UVRAG: variants seen among roughly 807,000 people sequenced by gnomAD.
UVRAG encodes the protein UV radiation resistance-associated gene protein.
A neutral mutation model predicts 78.0 loss-of-function variants in UVRAG; 19 were observed. The observed-to-expected ratio is 0.24, with a 90% confidence interval of 0.17 to 0.36. The LOEUF is 0.36. Among genes scored for constraint, UVRAG ranks in the 10% least tolerant of loss-of-function variants. The pLI is 1.00. For missense variants in UVRAG, 740 were observed against 853.8 expected, an observed-to-expected ratio of 0.87 and a Z score of 1.66; for synonymous variants, 323 against 324.6, an observed-to-expected ratio of 1.00 and a Z score of 0.05.
At chr11:75,840,559 T>C (rs1263190719) in intron 1 of UVRAG, among the ~76,000 whole-genome samples, 1 of 152,222 alleles carries the variant, frequency 6.6e-6, no homozygotes, top group Non-Finnish European at 1.5e-5. Context: ...TGTTTTATAA[T>C]TTAGTGCTTA....
chr11:75,949,662 T>A (rs191784958), intron 6 of UVRAG, among the ~76,000 whole-genome samples: 1 of 150,532 alleles, frequency 6.6e-6, no homozygotes, highest in African/African-American at 2.4e-5. Flanking sequence ...TTCTTTTTCT[T>A]TGGCAGTGTA....
intron 14 of UVRAG, among the ~76,000 whole-genome samples, chr11:76,133,769 G>C (rs1041526923): frequency 6.6e-6 from 1 of 151,834 alleles, no homozygotes; most frequent in Non-Finnish European, 1.5e-5. Flanking sequence ...CTAAGCAGTA[G>C]GTAGATCATG....
In UVRAG at chr11:75,901,604, G is replaced by A. The variant is rs12280572; in HGVS notation, c.508-10350G>A. Reference sequence around the variant, plus strand: ...CTACTTTCTCAAGTCAGAACATAGAGTTGTCCTGAGTCCCTTCTTCTGTGT... The same window carrying A: ...CTACTTTCTCAAGTCAGAACATAGAATTGTCCTGAGTCCCTTCTTCTGTGT... On this transcript the variant is annotated intron_variant, in intron 5 of 14. Transcript: ENST00000356136. 6.2e-3 allele frequency among the ~76,000 whole-genome samples: 948 copies of A among 152,234 alleles called. 9 individuals carry two copies. Among genetic ancestry groups the A allele is most frequent in the African/African-American group, 0.022 (906 of 41,512 alleles).
chr11:75,907,675 A>G lies in UVRAG; in HGVS notation c.508-4279A>G, dbSNP rs573020428. The stretch of plus-strand genomic sequence containing the variant: ...ACTGCAGGCATGCATCACCATGCCC[A>G]GCCAATTTCTTTATTAAAACAATTT... On this transcript the variant is annotated intron_variant, in intron 5 of 14. Coordinates refer to ENST00000356136, the MANE Select transcript of UVRAG (RefSeq NM_003369.4). Among the ~76,000 whole-genome samples, 56 of 151,706 alleles carry G rather than the reference A, an allele frequency of 3.7e-4. 1 individual carries two copies. Among genetic ancestry groups the G allele is most frequent in the African/African-American group, 1.3e-3 (55 of 41,250 alleles).
chr11:75,995,502 A>G (rs201493546), intron 8 of UVRAG, among the ~76,000 whole-genome samples: 3 of 61,866 alleles, frequency 4.8e-5, no homozygotes, highest in Non-Finnish European at 9.7e-5. Context: ...TGTCATTTTG[A>G]AAAAAAAAAA....
At position 75,999,601 on chromosome 11, in the gene UVRAG, G is replaced by A. The variant is rs532557520; in HGVS notation, c.827-4404G>A. On this transcript the variant is annotated intron_variant, in intron 8 of 14. Transcript: ENST00000356136. Reference sequence around the variant, plus strand: ...TCACTATGTTGGTCAGGCTGGTCTCGAACTCCTGACCTTGTGATCTGCCCG... The same window carrying A: ...TCACTATGTTGGTCAGGCTGGTCTCAAACTCCTGACCTTGTGATCTGCCCG... Among the ~76,000 whole-genome samples the A allele has an allele frequency of 2.8e-4, 43 of 151,988 alleles. No individual in the cohort carries two copies. The South Asian group carries it at 6.9e-3, about 24-fold the overall frequency.
chr11:76,067,102 A>G (rs1951204269), intron 13 of UVRAG, among the ~76,000 whole-genome samples: 1 of 151,890 alleles, frequency 6.6e-6, no homozygotes, highest in Non-Finnish European at 1.5e-5. Flanking sequence ...GATTTTTTTA[A>G]TTTGTTTTTT....
intron 4 of UVRAG, among the ~76,000 whole-genome samples, chr11:75,880,384 G>A (rs1166266565): frequency 6.6e-6 from 1 of 152,154 alleles, no homozygotes; most frequent in African/African-American, 2.4e-5. Context: ...TGAAAATTAA[G>A]TTGAAATAAG....
At chr11:76,113,254 C>T (rs1952113340) in intron 13 of UVRAG, among the ~76,000 whole-genome samples, 1 of 152,040 alleles carries the variant, frequency 6.6e-6, no homozygotes, top group African/African-American at 2.4e-5. Flanking sequence ...AGGAAGGGAA[C>T]TATGTGTGGG....
chr11:75,928,593 TGCCTCAGAAAAAAAAAAA>T (rs767080486), intron 6 of UVRAG, among the ~76,000 whole-genome samples: 4 of 151,214 alleles, frequency 2.6e-5, no homozygotes, highest in Non-Finnish European at 2.9e-5. Context: ...AGTGAGACCC[TGCCTCAGAAAAAAAAAAA>T]GGTTGCTGAT....
intron 6 of UVRAG, among the ~76,000 whole-genome samples, chr11:75,936,830 A>G (rs1948382641): frequency 6.6e-6 from 1 of 152,166 alleles, no homozygotes; most frequent in South Asian, 2.1e-4. Context: ...GCTGGCGTGC[A>G]ATGGCCTGAT....
At chr11:76,053,542 C>T (rs1950915044) in intron 12 of UVRAG, among the ~76,000 whole-genome samples, 2 of 152,174 alleles carry the variant, frequency 1.3e-5, no homozygotes, top group Admixed American at 1.3e-4. Context: ...CTCTCTACTT[C>T]TGGAACCCTA....
At chr11:75,818,268 C>T (rs933344771) in intron 1 of UVRAG, among the ~76,000 whole-genome samples, 1 of 151,186 alleles carries the variant, frequency 6.6e-6, no homozygotes, top group Non-Finnish European at 1.5e-5. Flanking sequence ...TTTTTTGTGT[C>T]TGGTTTCTTT....
intron 6 of UVRAG, among the ~76,000 whole-genome samples, chr11:75,913,321 C>T (rs776109553): frequency 1.3e-5 from 2 of 152,116 alleles, no homozygotes; most frequent in Non-Finnish European, 2.9e-5. Flanking sequence ...AGTGCAGTAT[C>T]ATAGATGCTG....
intron 6 of UVRAG, among the ~76,000 whole-genome samples, chr11:75,918,392 AAAAG>A (rs1392447281): frequency 6.6e-6 from 1 of 151,918 alleles, no homozygotes; most frequent in Non-Finnish European, 1.5e-5. Flanking sequence ...AAAAAAAAAA[AAAAG>A]ATACATGAAT....
chr11:75,897,103 A>G (rs1418502759), intron 5 of UVRAG, among the ~76,000 whole-genome samples: 1 of 152,244 alleles, frequency 6.6e-6, no homozygotes, highest in Non-Finnish European at 1.5e-5. Flanking sequence ...ATCTTTGTGG[A>G]TGAAAGAAAC....
Position 76,126,541 on chromosome 11 carries a change from G to A in UVRAG, c.1397+10526G>A, listed in dbSNP as rs1253232124. Among the ~76,000 whole-genome samples the A allele has an allele frequency of 4.6e-5, 7 of 152,166 alleles. No homozygotes were observed. In the South Asian group the frequency reaches 1.2e-3, roughly 27 times the overall value. ...TTACAGCTTTTTTGTATAACGTAAT[G>A]TCTTAAGTATTTTATCAGTGCCCTT... is the stretch of plus-strand genomic sequence containing the variant. On this transcript the variant is annotated intron_variant, in intron 14 of 14. Transcript: ENST00000356136.
At chr11:76,085,153 T>G (rs555835599) in intron 13 of UVRAG, among the ~76,000 whole-genome samples, 154 of 152,178 alleles carry the variant, frequency 1.0e-3, no homozygotes, top group African/African-American at 3.2e-3. Context: ...TCAACAGATA[T>G]TTCTTCATTT....
intron 14 of UVRAG, among the ~76,000 whole-genome samples, chr11:76,129,964 C>A (rs1169288365): frequency 6.6e-6 from 1 of 152,074 alleles, no homozygotes; most frequent in Non-Finnish European, 1.5e-5. Flanking sequence ...CTCTCTCTCT[C>A]TTCTTTGCCT....
Sources: allele counts gnomAD v4.1 joint callset (sites outside exome capture counted in the v4.1 genomes callset), GRCh38; gene constraint gnomAD v4.1.1; transcripts MANE v1.5; gene names NCBI Gene and HGNC (gene_info 2026-07-23, HGNC 2026-07-21).